The following FRK variants were observed in gnomAD, a reference collection of about 807,000 sequenced individuals.
The protein encoded by FRK is tyrosine-protein kinase FRK.
FRK carries 51 observed loss-of-function variants against 56.4 expected under a neutral mutation model. That is an observed-to-expected ratio of 0.90 (90% CI 0.72 to 1.14). FRK has a LOEUF of 1.14. FRK is among the 50% of genes most tolerant of loss of function. The pLI, the probability that FRK is intolerant of heterozygous loss-of-function variation, is 0.00. For missense variants in FRK, 570 were observed against 601.4 expected (o/e 0.95, Z 0.55); for synonymous variants, 245 against 217.9 (o/e 1.12, Z -1.10).
intron 2 of FRK, among the ~76,000 whole-genome samples, chr6:115,995,440 A>T (rs1303246126): frequency 1.3e-5 from 2 of 152,180 alleles, no homozygotes; most frequent in African/African-American, 4.8e-5. Context: ...GATTATTATA[A>T]AGCAGCATCC....
At chr6:116,086,654 C>T in the FRK span, among the ~76,000 whole-genome samples, 185 of 152,154 alleles carry the variant, frequency 1.2e-3, 1 homozygote, top group Non-Finnish European at 1.4e-3. Context: ...TATTCTAAAT[C>T]TGTGATTAAT....
chr6:115,994,315 C>A (rs1774742183), intron 2 of FRK, among the ~76,000 whole-genome samples: 2 of 121,492 alleles, frequency 1.6e-5, no homozygotes, highest in East Asian at 2.5e-4. Context: ...TATCCAGAAT[C>A]TCACAACCTC....
intron 1 of FRK, among the ~76,000 whole-genome samples, chr6:116,027,810 T>A: frequency 6.8e-6 from 1 of 147,822 alleles, no homozygotes; most frequent in Non-Finnish European, 1.5e-5. Flanking sequence ...AAAAGAAAAA[T>A]GCAAAATGAA....
chr6:116,037,070 C>G (rs936757685), intron 1 of FRK, among the ~76,000 whole-genome samples: 1 of 152,172 alleles, frequency 6.6e-6, no homozygotes, highest in African/African-American at 2.4e-5. Flanking sequence ...TGTATCACTG[C>G]TTTCTTTGTA....
intron 4 of FRK, among the ~76,000 whole-genome samples, chr6:115,958,294 A>T (rs943802567): frequency 6.6e-6 from 1 of 151,288 alleles, no homozygotes; most frequent in Non-Finnish European, 1.5e-5. Flanking sequence ...CCCCCCCCAA[A>T]AAAGAAGCTT....
chr6:116,044,933 C>A (rs993889746), intron 1 of FRK, among the ~76,000 whole-genome samples: 23 of 152,200 alleles, frequency 1.5e-4, no homozygotes, highest in African/African-American at 5.5e-4. Context: ...TCCTATACAC[C>A]AATAACAGAC....
the FRK span, among the ~76,000 whole-genome samples, chr6:116,085,865 GT>G: frequency 1.3e-4 from 20 of 152,166 alleles, no homozygotes; most frequent in Admixed American, 1.3e-3. Context: ...AAATGGACAT[GT>G]TTTTGTTTAT....
chr6:116,007,581 C>A (rs1775289754), intron 1 of FRK, among the ~76,000 whole-genome samples: 1 of 152,182 alleles, frequency 6.6e-6, no homozygotes, highest in East Asian at 1.9e-4. Flanking sequence ...TTTTGGTCCT[C>A]ATTTCTTATT....
the FRK span, among the ~76,000 whole-genome samples, chr6:116,089,338 T>A: frequency 6.6e-6 from 1 of 152,214 alleles, no homozygotes; most frequent in Non-Finnish European, 1.5e-5. Flanking sequence ...AAAAGGAAGA[T>A]CTTCTAGAGC....
chr6:116,014,920 G>GTACA (rs1775595228), intron 1 of FRK, among the ~76,000 whole-genome samples: 1 of 152,120 alleles, frequency 6.6e-6, no homozygotes, highest in Non-Finnish European at 1.5e-5. Context: ...GTTTTAATGA[G>GTACA]TACATGCATT....
upstream of FRK, among the ~76,000 whole-genome samples, chr6:116,063,466 TACTGCATGTTCTG>T (rs1220946209): frequency 4.0e-5 from 6 of 151,510 alleles, no homozygotes; most frequent in African/African-American, 1.5e-4. Flanking sequence ...TGGAGGCAAA[TACTGCATGTTCTG>T]ACTTATATGT....
At chr6:116,005,395 T>C (rs1304871279) in intron 1 of FRK, among the ~76,000 whole-genome samples, 1 of 152,226 alleles carries the variant, frequency 6.6e-6, no homozygotes, top group African/African-American at 2.4e-5. Flanking sequence ...CCATGATTGC[T>C]GAGCCAGGAT....
chr6:116,073,775 C>T, the FRK span, among the ~76,000 whole-genome samples: 1 of 152,130 alleles, frequency 6.6e-6, no homozygotes, highest in African/African-American at 2.4e-5. Context: ...TTAATCAATT[C>T]CCATAACAGC....
At chr6:115,978,463 T>C (rs1485104698) in intron 2 of FRK, among the ~76,000 whole-genome samples, 1 of 152,198 alleles carries the variant, frequency 6.6e-6, no homozygotes, top group Non-Finnish European at 1.5e-5. Context: ...TGCCAATCCA[T>C]GTTCAAGCGA....
At chr6:115,992,588 A>T (rs1242434855) in intron 2 of FRK, among the ~76,000 whole-genome samples, 22 of 151,810 alleles carry the variant, frequency 1.4e-4, no homozygotes, top group Admixed American at 1.4e-3. Flanking sequence ...AAAACAATTC[A>T]ACCTTTATAA....
chr6:115,953,190 T>C (rs1772844732), intron 5 of FRK, among the ~76,000 whole-genome samples: 5 of 120,100 alleles, frequency 4.2e-5, no homozygotes, highest in African/African-American at 6.3e-5. Context: ...ATTTTTTTTT[T>C]TTTTTTTTTT....
chr6:116,022,435 G>A (rs1207964311), intron 1 of FRK, among the ~76,000 whole-genome samples: 2 of 151,864 alleles, frequency 1.3e-5, no homozygotes, highest in African/African-American at 4.8e-5. Flanking sequence ...AAAATATACT[G>A]GTAAATCAAA....
At chr6:116,059,919 C>T (rs763952283) in intron 1 of FRK, 49 bp downstream of exon 1, 1 of 1,475,030 alleles carries the variant, frequency 6.8e-7, no homozygotes, top group Non-Finnish European at 9.3e-7. Flanking sequence ...AAACTCATTA[C>T]CCAGCCCTCA....
At chr6:116,097,285 A>C in the FRK span, among the ~76,000 whole-genome samples, 1 of 152,108 alleles carries the variant, frequency 6.6e-6, no homozygotes, top group African/African-American at 2.4e-5. Flanking sequence ...TATTTTTCCT[A>C]TTTTTTTCCA....
Sources: allele counts gnomAD v4.1 joint callset (sites outside exome capture counted in the v4.1 genomes callset), GRCh38; gene constraint gnomAD v4.1.1; transcripts MANE v1.5; gene names NCBI Gene and HGNC (gene_info 2026-07-23, HGNC 2026-07-21).